The following MPP7 variants were observed in gnomAD, a reference collection of about 807,000 sequenced individuals.
The protein encoded by MPP7 is MAGUK p55 scaffold protein 7, also known as MAGUK p55 subfamily member 7.
MPP7 carries 60 observed loss-of-function variants against 76.5 expected under a neutral mutation model. The ratio of observed to expected loss-of-function variants is 0.78; its 90% CI spans 0.64 to 0.97. The LOEUF is 0.97. Among genes scored for constraint, MPP7 ranks in the 50% least tolerant of loss-of-function variants. The pLI is 0.00. For missense variants in MPP7, 641 were observed against 694.0 expected (o/e 0.92, Z 0.86); for synonymous variants, 237 against 244.5 (o/e 0.97, Z 0.29).
chr10:28,259,020 A>G (rs1839871673), intron 1 of MPP7, among the ~76,000 whole-genome samples: 3 of 152,170 alleles, frequency 2.0e-5, no homozygotes, highest in African/African-American at 7.2e-5. Flanking sequence ...TCAGGACTCA[A>G]ACTTACAGGT....
chr10:28,147,605 A>G (rs11006897), intron 4 of MPP7, 42 bp from the exon 5 acceptor site: 285,707 of 1,557,036 alleles, frequency 0.18, 27,784 homozygotes, highest in East Asian at 0.35. Context: ...ATTTAGTAAG[A>G]GCATTGTGGG....
At chr10:28,151,807 C>A (rs1835891952) in intron 3 of MPP7, among the ~76,000 whole-genome samples, 1 of 152,200 alleles carries the variant, frequency 6.6e-6, no homozygotes, top group Non-Finnish European at 1.5e-5. Context: ...AGTGCTGGAG[C>A]TCCTAATCAC....
intron 1 of MPP7, among the ~76,000 whole-genome samples, chr10:28,283,006 T>C (rs968040918): frequency 1.3e-5 from 2 of 152,006 alleles, no homozygotes; most frequent in African/African-American, 4.8e-5. Context: ...TTTAATCTTT[T>C]ACATGAAACA....
At chr10:28,284,743 C>T (rs564218230) in intron 1 of MPP7, among the ~76,000 whole-genome samples, 34 of 152,268 alleles carry the variant, frequency 2.2e-4, no homozygotes, top group South Asian at 1.7e-3. Flanking sequence ...GAACAGAGGT[C>T]AACTTTTCAC....
intron 4 of MPP7, 88 bp from the exon 5 acceptor site, chr10:28,147,651 A>C (rs943347917): frequency 5.4e-6 from 6 of 1,110,768 alleles, no homozygotes; most frequent in Non-Finnish European, 5.5e-6. Flanking sequence ...TAACTTGCTC[A>C]AGGCTATTAC....
chr10:28,203,513 A>C (rs1398407413), intron 2 of MPP7, among the ~76,000 whole-genome samples: 1 of 147,260 alleles, frequency 6.8e-6, no homozygotes, highest in African/African-American at 2.5e-5. Flanking sequence ...AAAAAAAAAA[A>C]AAACCTTCTC....
At chr10:28,167,051 C>T (rs1273418127) in intron 3 of MPP7, among the ~76,000 whole-genome samples, 1 of 152,114 alleles carries the variant, frequency 6.6e-6, no homozygotes, top group Non-Finnish European at 1.5e-5. Context: ...TAGCTCATGC[C>T]TGTAATCCCA....
intron 1 of MPP7, among the ~76,000 whole-genome samples, chr10:28,267,621 T>C (rs923942337): frequency 6.6e-6 from 1 of 152,134 alleles, no homozygotes; most frequent in Non-Finnish European, 1.5e-5. Context: ...AATGCAAATA[T>C]TCCAAAAGAA....
intron 1 of MPP7, among the ~76,000 whole-genome samples, chr10:28,278,430 C>T (rs573033448): frequency 2.0e-5 from 3 of 152,150 alleles, no homozygotes; most frequent in African/African-American, 4.8e-5. Flanking sequence ...CAATTTAAGG[C>T]ATACAAACAA....
At chr10:28,167,086 G>A (rs1411628179) in intron 3 of MPP7, among the ~76,000 whole-genome samples, 6 of 151,982 alleles carry the variant, frequency 3.9e-5, no homozygotes, top group African/African-American at 9.7e-5. Flanking sequence ...CAAGGAGGGC[G>A]GATTACTTGA....
At chr10:28,156,403 G>A (rs1836063727) in intron 3 of MPP7, among the ~76,000 whole-genome samples, 1 of 152,136 alleles carries the variant, frequency 6.6e-6, no homozygotes, top group South Asian at 2.1e-4. Context: ...ACACCATGTC[G>A]TGTATACATA....
intron 3 of MPP7, among the ~76,000 whole-genome samples, chr10:28,192,712 T>C (rs1052791718): frequency 4.6e-5 from 7 of 152,190 alleles, no homozygotes; most frequent in South Asian, 2.1e-4. Flanking sequence ...AATGGAGCCA[T>C]AGAATACACA....
chr10:28,243,782 G>A (rs758437232), intron 1 of MPP7, among the ~76,000 whole-genome samples: 40 of 151,984 alleles, frequency 2.6e-4, no homozygotes, highest in Non-Finnish European at 4.3e-4. Context: ...AAAATATAAA[G>A]GTCTCCTGTT....
intron 11 of MPP7, among the ~76,000 whole-genome samples, chr10:28,094,193 A>T (rs1853454066): frequency 1.3e-5 from 2 of 152,182 alleles, no homozygotes; most frequent in African/African-American, 4.8e-5. Context: ...ATCAATTCAC[A>T]CAGGTTATGA....
At chr10:28,109,864 A>C (rs1023591435) in intron 11 of MPP7, among the ~76,000 whole-genome samples, 1 of 149,590 alleles carries the variant, frequency 6.7e-6, no homozygotes, top group Non-Finnish European at 1.5e-5. Flanking sequence ...AAAAAAAAAA[A>C]AAAAAAAAAC....
At chr10:28,084,860 A>G (rs774799838) in intron 12 of MPP7, among the ~76,000 whole-genome samples, 2 of 152,204 alleles carry the variant, frequency 1.3e-5, no homozygotes, top group African/African-American at 4.8e-5. Flanking sequence ...CAGGTGCAGT[A>G]AGAAACCCTG....
intron 1 of MPP7, among the ~76,000 whole-genome samples, chr10:28,271,003 C>T (rs1840310676): frequency 6.6e-6 from 1 of 152,194 alleles, no homozygotes; most frequent in Admixed American, 6.5e-5. Flanking sequence ...ATAATAATTA[C>T]AGGCAGAACT....
At chr10:28,290,459 A>C (rs1840889880) in intron 1 of MPP7, among the ~76,000 whole-genome samples, 1 of 152,018 alleles carries the variant, frequency 6.6e-6, no homozygotes, top group South Asian at 2.1e-4. Flanking sequence ...TTATAAAGTC[A>C]TTTTTAATCA....
At chr10:28,253,345 A>G (rs374237543) in intron 1 of MPP7, among the ~76,000 whole-genome samples, 17 of 152,158 alleles carry the variant, frequency 1.1e-4, no homozygotes, top group East Asian at 3.9e-4. Context: ...GAGGATTTAG[A>G]GCTTTAAAGG....
Sources: gnomAD v4.1 joint callset for allele counts (sites outside exome capture counted in the v4.1 genomes callset) on GRCh38, gnomAD v4.1.1 for gene constraint, MANE v1.5 for transcripts, NCBI Gene and HGNC (gene_info 2026-07-23, HGNC 2026-07-21) for gene names.